N4BP2L2: variants seen among roughly 807,000 people sequenced by gnomAD.
N4BP2L2 encodes NEDD4 binding protein 2 like 2.
In N4BP2L2, 50 loss-of-function variants were observed where a neutral mutation model predicts 56.2. That is an observed-to-expected ratio of 0.89 (90% CI 0.71 to 1.13). N4BP2L2 has a LOEUF of 1.13. Among genes scored for constraint, N4BP2L2 ranks in the 50% most tolerant of loss-of-function variants. N4BP2L2 has a pLI of 0.00. For missense variants in N4BP2L2, 689 were observed against 693.8 expected (o/e 0.99, Z 0.08); for synonymous variants, 203 against 223.6 (o/e 0.91, Z 0.82).
At chr13:32,473,435 G>GA (rs1009593547) in intron 6 of N4BP2L2, among the ~76,000 whole-genome samples, 2 of 151,792 alleles carry the variant, frequency 1.3e-5, no homozygotes, top group East Asian at 3.8e-4. Context: ...AGTTTGGGGA[G>GA]AAAAAAAATA....
chr13:32,444,144 T>G (rs771874522), intron 6 of N4BP2L2: 1 of 1,457,552 alleles, frequency 6.9e-7, no homozygotes, highest in East Asian at 2.3e-5. Flanking sequence ...ATTAAAGAAT[T>G]AAGAAAATGT....
At chr13:32,524,192 T>C (rs1161522779) in intron 3 of N4BP2L2, 2 of 152,336 alleles carry the variant, frequency 1.3e-5, no homozygotes, top group East Asian at 3.9e-4. Flanking sequence ...CTATTAGTGC[T>C]AGCTTGGTGC....
At chr13:32,453,433 A>G (rs2078442778) in intron 6 of N4BP2L2, among the ~76,000 whole-genome samples, 1 of 151,808 alleles carries the variant, frequency 6.6e-6, no homozygotes, top group Admixed American at 6.6e-5. Context: ...ATGTTTAATC[A>G]AGAGAAAAAA....
intron 6 of N4BP2L2, among the ~76,000 whole-genome samples, chr13:32,483,098 C>G (rs1332564277): frequency 1.3e-5 from 2 of 152,192 alleles, no homozygotes; most frequent in Non-Finnish European, 2.9e-5. Flanking sequence ...CATTAGTTTA[C>G]TTACAGCCCA....
rs199951664 is a variant in N4BP2L2 at position 32,441,690 on chromosome 13, CATAAATAAATAAATAAATAAATAA to C, written c.2104+674_2104+697del. 7.3e-5 allele frequency among the ~76,000 whole-genome samples: 10 copies of C among 137,632 alleles called. No individual in the cohort carries two copies. In the South Asian group the frequency reaches 1.2e-3, roughly 16 times the overall value. The allele number at this position is 137,632 out of a possible 152,430, so 90.3% of individuals were successfully genotyped here. On this transcript the variant is annotated intron_variant, in intron 7 of 9. Transcript: ENST00000357505. Reference sequence around the variant, plus strand: ...CAAGAGCGAAACTCCCTCTCAAAAACATAAATAAATAAATAAATAAATAAATAAATAAATAAATAAATAAATATA... The same window carrying C: ...CAAGAGCGAAACTCCCTCTCAAAAACATAAATAAATAAATAAATAAATATA...
In N4BP2L2 at chr13:32,526,246, CTTAA is replaced by C. The variant is rs562435607; in HGVS notation, c.1384+1158_1384+1161del. On this transcript the variant is annotated intron_variant, in intron 3 of 5. Transcript: ENST00000267068. ...AAAGAAGGAACATGCTATGGATTAA[CTTAA>C]TTAAATAAAACAAAATGCATTTTGA... Among the ~76,000 whole-genome samples, 7 of 152,226 alleles carry C rather than the reference CTTAA, an allele frequency of 4.6e-5. No individual in the cohort carries two copies. The East Asian group carries it at 1.4e-3, about 29-fold the overall frequency.
chr13:32,446,762 T>G (rs2077114607), intron 6 of N4BP2L2, among the ~76,000 whole-genome samples: 1 of 152,202 alleles, frequency 6.6e-6, no homozygotes, highest in South Asian at 2.1e-4. Context: ...ACAATTGCAC[T>G]TGGAAAATTG....
At chr13:32,482,781 C>T (rs374853952) in intron 6 of N4BP2L2, among the ~76,000 whole-genome samples, 1 of 152,108 alleles carries the variant, frequency 6.6e-6, no homozygotes. Flanking sequence ...ACTAAGACAC[C>T]ATTTGGTAAA....
At chr13:32,443,709 T>C (rs772694994) in exon 7 of N4BP2L2, 2 of 1,592,536 alleles carry the variant, frequency 1.3e-6, no homozygotes, top group African/African-American at 2.7e-5. Context: ...GAGTCAGTAT[T>C]GGACAAGTAA....
chr13:32,537,289 C>T (rs140941888), intron 1 of N4BP2L2, among the ~76,000 whole-genome samples: 16 of 151,686 alleles, frequency 1.1e-4, no homozygotes, highest in Middle Eastern at 3.4e-3. Context: ...TCTCTCTCAA[C>T]TTTAAACGAT....
intron 8 of N4BP2L2, among the ~76,000 whole-genome samples, chr13:32,436,867 T>TC (rs2075583143): frequency 1.5e-5 from 2 of 130,610 alleles, no homozygotes; most frequent in Non-Finnish European, 3.1e-5. Flanking sequence ...TATCTATCTA[T>TC]TTATTTATTT....
rs371773927 is a variant in N4BP2L2, at chr13:32,455,887, C to T, written c.366-11761G>A. 3.3e-4 allele frequency among the ~76,000 whole-genome samples: 50 copies of T among 152,326 alleles called. 2 individuals carry two copies. In the East Asian group the frequency reaches 9.4e-3, roughly 29 times the overall value. ...TCCCACCTGGAGGTCTGGGGACTGG[C>T]CCACCCAGCTTGTCACAGCCAATGC... On this transcript the variant is annotated intron_variant, in intron 6 of 9. Coordinates refer to the N4BP2L2 transcript ENST00000357505.
At chr13:32,485,423 A>G (rs539986718) in intron 6 of N4BP2L2, among the ~76,000 whole-genome samples, 145 of 152,336 alleles carry the variant, frequency 9.5e-4, no homozygotes, top group African/African-American at 3.4e-3. Flanking sequence ...AGAGGAAGGA[A>G]TACTTCCCAA....
intron 6 of N4BP2L2, among the ~76,000 whole-genome samples, chr13:32,498,938 G>A (rs1159050239): frequency 3.1e-5 from 4 of 130,994 alleles, no homozygotes; most frequent in Non-Finnish European, 6.2e-5. Context: ...GCACTGAGCA[G>A]AGATTGTGCC....
chr13:32,445,330 C>A (rs1341983072), intron 6 of N4BP2L2, among the ~76,000 whole-genome samples: 1 of 152,206 alleles, frequency 6.6e-6, no homozygotes, highest in Non-Finnish European at 1.5e-5. Context: ...ATTATAATCT[C>A]ATGGGACCAC....
chr13:32,477,069 T>C (rs1167400777), intron 6 of N4BP2L2, among the ~76,000 whole-genome samples: 2 of 152,174 alleles, frequency 1.3e-5, no homozygotes, highest in Non-Finnish European at 1.5e-5. Context: ...GCCCCAGCAC[T>C]TGTGCCAGGG....
At chr13:32,443,584 C>A (rs1376944174) in exon 7 of N4BP2L2, 1 of 1,611,306 alleles carries the variant, frequency 6.2e-7, no homozygotes, top group South Asian at 1.1e-5. Flanking sequence ...CATAAATAAG[C>A]ATGAAGTTTC....
rs149934130 is a variant in N4BP2L2 at position 32,478,198 on chromosome 13, CA to C, written c.366-34073del. Reference sequence around the variant, plus strand: ...GTAAAACATCTATTTTCTAATAAAACAGGAATATTATGACATTTAAGAAGCG... The same window carrying C: ...GTAAAACATCTATTTTCTAATAAAACGGAATATTATGACATTTAAGAAGCG... On this transcript the variant is annotated intron_variant, in intron 6 of 9. Coordinates refer to the N4BP2L2 transcript ENST00000357505. 2,829 of 509,826 alleles carry C rather than the reference CA, an allele frequency of 5.5e-3. 72 individuals carry two copies. The highest frequency in any genetic ancestry group is 0.053 in the African/African-American group (2,627 of 49,780). The allele number at this position is 509,826 out of a possible 1,614,324, so 31.6% of individuals were successfully genotyped here.
At chr13:32,443,289 C>T (rs1214382320) in exon 7 of N4BP2L2, 2 of 1,613,924 alleles carry the variant, frequency 1.2e-6, no homozygotes, top group Non-Finnish European at 1.7e-6. Context: ...GAATCCATTG[C>T]CCCCTGCTGT....
Sources: allele counts gnomAD v4.1 joint callset (sites outside exome capture counted in the v4.1 genomes callset), GRCh38; gene constraint gnomAD v4.1.1; transcripts MANE v1.5; gene names NCBI Gene and HGNC (gene_info 2026-07-23, HGNC 2026-07-21).